Variants in OPCML observed in about 807,000 individuals in gnomAD.
OPCML encodes the protein opioid-binding protein/cell adhesion molecule.
In OPCML, 13 loss-of-function variants were observed where a neutral mutation model predicts 37.8. That is an observed-to-expected ratio of 0.34 (90% CI 0.22 to 0.55). The LOEUF is 0.55. Among genes scored for constraint, OPCML ranks in the 20% least tolerant of loss-of-function variants. OPCML has a pLI of 0.91. For missense variants in OPCML, 341 were observed against 435.6 expected (o/e 0.78, Z 1.93); for synonymous variants, 176 against 168.8 (o/e 1.04, Z -0.33).
At chr11:133,247,049 G>T (rs1328074558) in intron 1 of OPCML, among the ~76,000 whole-genome samples, 3 of 152,312 alleles carry the variant, frequency 2.0e-5, no homozygotes, top group South Asian at 2.1e-4. Context: ...ATCAGCTTTT[G>T]AAGAGATGAA....
intron 2 of OPCML, among the ~76,000 whole-genome samples, chr11:132,847,499 G>T (rs1941600207): frequency 1.3e-5 from 2 of 152,166 alleles, no homozygotes; most frequent in South Asian, 4.1e-4. Context: ...ATAAATGTTA[G>T]TGATAGTGAT....
chr11:133,248,630 G>C (rs1941030745), intron 1 of OPCML, among the ~76,000 whole-genome samples: 1 of 152,198 alleles, frequency 6.6e-6, no homozygotes, highest in African/African-American at 2.4e-5. Flanking sequence ...GGTTCTGCAG[G>C]GCACTTGTGG....
intron 1 of OPCML, among the ~76,000 whole-genome samples, chr11:133,376,746 G>T (rs1033890261): frequency 6.6e-6 from 1 of 152,068 alleles, no homozygotes; most frequent in Non-Finnish European, 1.5e-5. Flanking sequence ...GGGAATAGTT[G>T]GACAGTTAGT....
intron 1 of OPCML, among the ~76,000 whole-genome samples, chr11:133,490,726 G>T (rs577256668): frequency 7.9e-5 from 12 of 152,162 alleles, no homozygotes; most frequent in Admixed American, 5.9e-4. Flanking sequence ...TTTTTTTGAT[G>T]ATTGAGGCCT....
chr11:133,305,512 C>T (rs191519607), intron 1 of OPCML, among the ~76,000 whole-genome samples: 41 of 152,338 alleles, frequency 2.7e-4, no homozygotes, highest in Middle Eastern at 3.4e-3. Context: ...TATGTAGTTA[C>T]GTTTAATTAA....
intron 3 of OPCML, among the ~76,000 whole-genome samples, chr11:132,581,183 T>C (rs946677739): frequency 6.6e-6 from 1 of 152,214 alleles, no homozygotes; most frequent in Non-Finnish European, 1.5e-5. Flanking sequence ...ATGCTTCCTA[T>C]AGATCATCAT....
chr11:132,999,829 G>A (rs1247246700), intron 1 of OPCML, among the ~76,000 whole-genome samples: 1 of 152,110 alleles, frequency 6.6e-6, no homozygotes, highest in African/African-American at 2.4e-5. Flanking sequence ...AAAGGCGACA[G>A]GGGTCTATCT....
rs1939033953 is a variant in OPCML, at chr11:133,205,692, A to G, written c.62-262682T>C. Among the ~76,000 whole-genome samples, 1 of 152,264 alleles carries G rather than the reference A, an allele frequency of 6.6e-6. No individual in the cohort carries two copies. The highest frequency in any genetic ancestry group is 6.5e-5 in the Admixed American group (1 of 15,290). ...GTTGCGTTGCGTGAGACAAGAGAGT[A>G]GGAAAAACATTTAGTATTTTTTTTC... On this transcript the variant is annotated intron_variant, in intron 1 of 7. Coordinates refer to ENST00000524381, the MANE Select transcript of OPCML (RefSeq NM_001012393.5). The surrounding 1 kb of genome is among the most constrained non-coding windows in gnomAD (Gnocchi z 4.8).
intron 2 of OPCML, among the ~76,000 whole-genome samples, chr11:132,679,621 A>T (rs1295524479): frequency 2.0e-5 from 3 of 152,232 alleles, no homozygotes; most frequent in Non-Finnish European, 2.9e-5. Context: ...AATGACTGTT[A>T]ATAGGTATGG....
chr11:132,562,873 C>T (rs1462809867), intron 3 of OPCML, among the ~76,000 whole-genome samples: 1 of 152,152 alleles, frequency 6.6e-6, no homozygotes, highest in Non-Finnish European at 1.5e-5. Flanking sequence ...CAAATGCCAC[C>T]AGTGATGTAC....
intron 1 of OPCML, among the ~76,000 whole-genome samples, chr11:133,196,280 C>T (rs1938534192): frequency 6.6e-6 from 1 of 152,216 alleles, no homozygotes; most frequent in Non-Finnish European, 1.5e-5. Context: ...ATTTCTCAAA[C>T]ACGTTGGTGA....
At chr11:132,945,521 G>C (rs1246523665) in intron 1 of OPCML, among the ~76,000 whole-genome samples, 2 of 151,686 alleles carry the variant, frequency 1.3e-5, no homozygotes, top group Admixed American at 1.3e-4. Flanking sequence ...TGAGCGGGTG[G>C]GGAATGGAGG....
In OPCML at chr11:133,076,937, G is replaced by A. The variant is rs116217231; in HGVS notation, c.62-133927C>T. 6.4e-3 allele frequency among the ~76,000 whole-genome samples: 970 copies of A among 152,208 alleles called. 10 individuals are homozygous for A. Among genetic ancestry groups the A allele is most frequent in the African/African-American group, 0.021 (886 of 41,550 alleles). ...TTGATTTCTAGTAGAGCTAGTGTGG[G>A]TGACCACTTTGTGATCGGTTAGTGA... is the stretch of plus-strand genomic sequence containing the variant. On this transcript the variant is annotated intron_variant, in intron 1 of 7. Transcript: ENST00000524381.
At position 133,323,903 on chromosome 11, in the gene OPCML, T is replaced by G. The variant is rs542657642; in HGVS notation, c.61+208361A>C. ...AGGCAAGTTGGCTTGGTCTCTCCAATTCAGTTAAAATGTTTATTGTTTGTT... is the reference window on the plus strand; with the variant it reads ...AGGCAAGTTGGCTTGGTCTCTCCAAGTCAGTTAAAATGTTTATTGTTTGTT... On this transcript the variant is annotated intron_variant, in intron 1 of 7. Transcript: ENST00000524381. Among the ~76,000 whole-genome samples the G allele has an allele frequency of 8.0e-4, 122 of 152,342 alleles. 3 individuals carry two copies. The South Asian group carries it at 0.025, about 31-fold the overall frequency.
At chr11:133,128,876 G>A (rs763272846) in intron 1 of OPCML, among the ~76,000 whole-genome samples, 4 of 152,050 alleles carry the variant, frequency 2.6e-5, no homozygotes, top group Non-Finnish European at 4.4e-5. Flanking sequence ...TCTGTAGCCC[G>A]GGCTTCTGCT....
chr11:132,495,740 A>T (rs1391563939), intron 4 of OPCML, among the ~76,000 whole-genome samples: 1 of 151,954 alleles, frequency 6.6e-6, no homozygotes, highest in Non-Finnish European at 1.5e-5. Flanking sequence ...AAATACAAAA[A>T]CAAAATTAGC....
At chr11:133,234,166 G>C (rs1940410613) in intron 1 of OPCML, among the ~76,000 whole-genome samples, 1 of 151,762 alleles carries the variant, frequency 6.6e-6, no homozygotes, top group Non-Finnish European at 1.5e-5. Flanking sequence ...ACTTATAATT[G>C]CTTCCCAAAT....
intron 2 of OPCML, among the ~76,000 whole-genome samples, chr11:132,819,840 A>G (rs1466193080): frequency 1.3e-5 from 2 of 152,198 alleles, no homozygotes; most frequent in Non-Finnish European, 2.9e-5. Context: ...ACAGCTCGCT[A>G]AAAAACACAT....
chr11:133,518,212 T>C (rs981671192), intron 1 of OPCML, among the ~76,000 whole-genome samples: 2 of 151,710 alleles, frequency 1.3e-5, no homozygotes, highest in African/African-American at 2.4e-5. Flanking sequence ...GAAGCGTGTA[T>C]AAGTGTGTGG....
Sources: gnomAD v4.1 joint callset for allele counts (sites outside exome capture counted in the v4.1 genomes callset) on GRCh38, gnomAD v4.1.1 for gene constraint, Gnocchi (gnomAD v3.1) non-coding constraint, MANE v1.5 for transcripts, NCBI Gene and HGNC (gene_info 2026-07-23, HGNC 2026-07-21) for gene names.